The following ERBB4 variants were observed in gnomAD, a reference collection of about 807,000 sequenced individuals.
The protein encoded by ERBB4 is receptor tyrosine-protein kinase erbB-4.
A neutral mutation model predicts 158.0 loss-of-function variants in ERBB4; 42 were observed. That is an observed-to-expected ratio of 0.27 (90% confidence interval 0.21 to 0.34). The LOEUF (loss-of-function observed/expected upper bound fraction) is 0.34, where lower values mean the gene tolerates loss of function less well. Among genes scored for constraint, ERBB4 ranks in the 10% least tolerant of loss-of-function variants. The probability of loss-of-function intolerance (pLI) is 1.00; values close to 1 mark genes in which losing one functional copy is unlikely to be tolerated. For synonymous variants in ERBB4, 583 were observed against 558.7 expected, an observed-to-expected ratio of 1.04 and a Z score of -0.61; for missense variants, 1,333 against 1,624.1, an observed-to-expected ratio of 0.82 and a Z score of 3.08.
At chr2:211,517,372 T>G (rs1277862332) in intron 20 of ERBB4, among the ~76,000 whole-genome samples, 3 of 152,164 alleles carry the variant, frequency 2.0e-5, no homozygotes, top group Non-Finnish European at 4.4e-5. Flanking sequence ...CTTTCACTTT[T>G]GCACTTCTAT....
chr2:211,748,765 G>GT (rs1341559698), intron 5 of ERBB4, among the ~76,000 whole-genome samples: 7 of 152,188 alleles, frequency 4.6e-5, no homozygotes, highest in African/African-American at 9.6e-5. Context: ...TACCTCGGTA[G>GT]TTTTTTTCTG....
At chr2:212,155,184 C>A (rs6726607) in intron 1 of ERBB4, among the ~76,000 whole-genome samples, 1,675 of 152,190 alleles carry the variant, frequency 0.011, 26 homozygotes, top group African/African-American at 0.038. Context: ...AAAAGTCTGT[C>A]TTTCAGAGAA....
intron 2 of ERBB4, among the ~76,000 whole-genome samples, chr2:211,973,181 C>T (rs1300272430): frequency 6.6e-6 from 1 of 151,058 alleles, no homozygotes; most frequent in Non-Finnish European, 1.5e-5. Context: ...AAAAGCTAAC[C>T]ATCACTAATT....
intron 3 of ERBB4, among the ~76,000 whole-genome samples, chr2:211,858,662 G>A (rs1444853938): frequency 1.3e-5 from 2 of 152,204 alleles, no homozygotes; most frequent in Admixed American, 6.5e-5. Context: ...CAAAAACCTA[G>A]TTGTAAATAA....
At chr2:211,978,143 T>C (rs1378387369) in intron 2 of ERBB4, among the ~76,000 whole-genome samples, 1 of 151,886 alleles carries the variant, frequency 6.6e-6, no homozygotes, top group Non-Finnish European at 1.5e-5. Context: ...CCAGAATACA[T>C]AAATTTCCCT....
At chr2:212,136,116 T>C (rs1428335997) in intron 1 of ERBB4, among the ~76,000 whole-genome samples, 1 of 152,216 alleles carries the variant, frequency 6.6e-6, no homozygotes, top group African/African-American at 2.4e-5. Flanking sequence ...TTCACTGTAA[T>C]TAAAGCGGCA....
At chr2:211,445,277 A>G (rs926082367) in intron 20 of ERBB4, among the ~76,000 whole-genome samples, 1 of 152,164 alleles carries the variant, frequency 6.6e-6, no homozygotes, top group Non-Finnish European at 1.5e-5. Flanking sequence ...ATACTATAAT[A>G]CTAGTTCCAA....
At chr2:212,129,752 A>C (rs943884100) in intron 1 of ERBB4, among the ~76,000 whole-genome samples, 4 of 152,078 alleles carry the variant, frequency 2.6e-5, no homozygotes, top group Non-Finnish European at 5.9e-5. Context: ...GATCCTCCAA[A>C]AAACAAAATT....
rs1374251551 is a variant in ERBB4 at position 211,889,027 on chromosome 2, C to G, written c.421+58403G>C. On this transcript the variant is annotated intron_variant, in intron 3 of 27. Transcript: ENST00000342788. The stretch of plus-strand genomic sequence containing the variant: ...AGGTAAACAAAGCAGCCAGGAAGCT[C>G]GAACTGGGTAGAGCCCACCACAGCT... Among the ~76,000 whole-genome samples, 4 of 144,264 alleles carry G rather than the reference C, an allele frequency of 2.8e-5. 1 individual carries two copies. The highest frequency in any genetic ancestry group is 1.1e-4 in the African/African-American group (4 of 36,144). 94.6% of individuals were successfully genotyped at this position (144,264 alleles called of 152,430 possible). A position where few individuals can be genotyped will look rare whatever the true frequency, so the allele number is the denominator to read the frequency against.
intron 20 of ERBB4, among the ~76,000 whole-genome samples, chr2:211,520,643 A>G (rs749346174): frequency 5.9e-5 from 9 of 152,158 alleles, no homozygotes; most frequent in Non-Finnish European, 1.3e-4. Flanking sequence ...ACAGAAAGTA[A>G]TAAGAGGTAC....
intron 1 of ERBB4, among the ~76,000 whole-genome samples, chr2:212,131,719 C>T (rs1003139510): frequency 2.0e-5 from 3 of 152,076 alleles, no homozygotes; most frequent in African/African-American, 7.2e-5. Flanking sequence ...TTCCTGTGGG[C>T]GTCTCTTAGT....
intron 19 of ERBB4, among the ~76,000 whole-genome samples, chr2:211,563,625 A>G (rs979514926): frequency 2.0e-5 from 3 of 152,320 alleles, no homozygotes; most frequent in East Asian, 3.9e-4. Context: ...ATGTACTATT[A>G]TATCAATGTT....
chr2:212,449,811 A>G (rs553669226), intron 1 of ERBB4, among the ~76,000 whole-genome samples: 12 of 151,952 alleles, frequency 7.9e-5, no homozygotes, highest in African/African-American at 2.9e-4. Flanking sequence ...TACTATCACA[A>G]ATTTTTAAAT....
intron 1 of ERBB4, among the ~76,000 whole-genome samples, chr2:212,233,559 T>G (rs1434126138): frequency 2.6e-5 from 4 of 151,508 alleles, no homozygotes; most frequent in Non-Finnish European, 5.9e-5. Flanking sequence ...AAATAACACC[T>G]TAAACATGCC....
intron 1 of ERBB4, among the ~76,000 whole-genome samples, chr2:212,416,488 A>C (rs1444592770): frequency 6.6e-6 from 1 of 152,156 alleles, no homozygotes; most frequent in Non-Finnish European, 1.5e-5. Flanking sequence ...TATTAAAAAA[A>C]TAGAATAAAG....
intron 25 of ERBB4, among the ~76,000 whole-genome samples, chr2:211,416,258 C>T (rs891066247): frequency 6.6e-6 from 1 of 151,852 alleles, no homozygotes. Context: ...ATTTAATATA[C>T]AATTTATTAT....
chr2:211,381,211 T>A lies in ERBB4; in HGVS notation c.*2404A>T. 1 of 232,382 alleles carries A rather than the reference T, an allele frequency of 4.3e-6. No homozygotes were observed. Among genetic ancestry groups the A allele is most frequent in the East Asian group, 6.1e-5 (1 of 16,446 alleles). The allele number at this position is 232,382 out of a possible 1,614,324, so 14.4% of individuals were successfully genotyped here. Reference sequence around the variant, plus strand: ...ACCCTTCTCCTGCTCTACCATACTTTTTCAGCTCGCCTCACTTCTTATAGC... The same window carrying A: ...ACCCTTCTCCTGCTCTACCATACTTATTCAGCTCGCCTCACTTCTTATAGC... On this transcript the variant is annotated 3_prime_UTR_variant, in exon 28 of 28. Transcript: ENST00000342788.
intron 3 of ERBB4, among the ~76,000 whole-genome samples, chr2:211,887,177 C>T (rs1054440526): frequency 6.6e-6 from 1 of 151,014 alleles, no homozygotes; most frequent in African/African-American, 2.4e-5. Flanking sequence ...AGAAATATAC[C>T]GCAATGAAAA....
chr2:212,191,558 TATATATA>T lies in ERBB4; in HGVS notation c.83-66662_83-66656del, dbSNP rs1234214408. Among the ~76,000 whole-genome samples, 383 of 148,010 alleles carry T rather than the reference TATATATA, an allele frequency of 2.6e-3. 5 individuals are homozygous for T. The highest frequency in any genetic ancestry group is 7.0e-3 in the Middle Eastern group (2 of 286). ...TATATAACACATGTGTTATGCCTGT[TATATATA>T]ACACATGTGTTATGCCTGTTATATA... On this transcript the variant is annotated intron_variant, in intron 1 of 27. Transcript: ENST00000342788.
Sources: gnomAD v4.1 joint callset for allele counts (sites outside exome capture counted in the v4.1 genomes callset) on GRCh38, gnomAD v4.1.1 for gene constraint, MANE v1.5 for transcripts, NCBI Gene and HGNC (gene_info 2026-07-23, HGNC 2026-07-21) for gene names.